The following ANKS1B variants were observed in gnomAD, a reference collection of about 807,000 sequenced individuals.
ANKS1B encodes ankyrin repeat and sterile alpha motif domain containing 1B.
A neutral mutation model predicts 148.3 loss-of-function variants in ANKS1B; 36 were observed. The ratio of observed to expected loss-of-function variants is 0.24; its 90% CI spans 0.19 to 0.32. The LOEUF (loss-of-function observed/expected upper bound fraction) is 0.32, where lower values mean the gene tolerates loss of function less well. Among genes scored for constraint, ANKS1B ranks in the 10% least tolerant of loss-of-function variants. The pLI, the probability that ANKS1B is intolerant of heterozygous loss-of-function variation, is 1.00. For missense variants in ANKS1B, 1,157 were observed against 1,542.6 expected, an observed-to-expected ratio of 0.75 and a Z score of 4.19; for synonymous variants, 542 against 560.8, an observed-to-expected ratio of 0.97 and a Z score of 0.47.
At chr12:99,345,593 G>A (rs2090555625) in intron 12 of ANKS1B, among the ~76,000 whole-genome samples, 1 of 151,956 alleles carries the variant, frequency 6.6e-6, no homozygotes. Flanking sequence ...TCATTTTAAA[G>A]AGGAGGAAAC....
intron 16 of ANKS1B, among the ~76,000 whole-genome samples, chr12:99,068,013 G>A (rs2044993540): frequency 6.6e-6 from 1 of 151,862 alleles, no homozygotes; most frequent in African/African-American, 2.4e-5. Flanking sequence ...TCTTACAATA[G>A]TTTTAGTAGT....
rs540257965 is a variant in ANKS1B at position 99,568,133 on chromosome 12, A to G, written c.1273-63492T>C. On this transcript the variant is annotated intron_variant, in intron 9 of 26. Transcript: ENST00000683438. ...TTTTACTATTCTCTAAGTCAGAACT[A>G]TGAAAATCAAGGTGGACTAAAAGTG... Among the ~76,000 whole-genome samples, 3 of 152,342 alleles carry G rather than the reference A, an allele frequency of 2.0e-5. No homozygotes were observed. The South Asian group carries it at 6.2e-4, about 32-fold the overall frequency.
intron 17 of ANKS1B, among the ~76,000 whole-genome samples, chr12:98,963,824 G>C (rs2099875535): frequency 6.6e-6 from 1 of 152,156 alleles, no homozygotes; most frequent in Admixed American, 6.5e-5. Context: ...TCTAGGCCAG[G>C]CGTGGTGGCT....
At chr12:99,701,357 G>A (rs924250219) in intron 8 of ANKS1B, among the ~76,000 whole-genome samples, 4 of 152,048 alleles carry the variant, frequency 2.6e-5, no homozygotes, top group African/African-American at 9.7e-5. Context: ...ACCAACAACA[G>A]ATATGCTGCT....
intron 12 of ANKS1B, among the ~76,000 whole-genome samples, chr12:99,361,666 G>A (rs1312192709): frequency 1.3e-5 from 2 of 151,950 alleles, no homozygotes; most frequent in Non-Finnish European, 2.9e-5. Flanking sequence ...ATGATTCAGT[G>A]AATCTTGTCT....
intron 19 of ANKS1B, among the ~76,000 whole-genome samples, chr12:98,822,637 G>A (rs1481871072): frequency 2.0e-5 from 3 of 151,964 alleles, no homozygotes; most frequent in Non-Finnish European, 4.4e-5. Flanking sequence ...TAAATCCATG[G>A]TCTGGTTTTA....
At chr12:99,665,404 A>G (rs1437310414) in intron 8 of ANKS1B, among the ~76,000 whole-genome samples, 1 of 152,152 alleles carries the variant, frequency 6.6e-6, no homozygotes, top group Non-Finnish European at 1.5e-5. Context: ...CTAATGTGCT[A>G]AATATCTTCT....
intron 8 of ANKS1B, among the ~76,000 whole-genome samples, chr12:99,745,626 G>C (rs961272453): frequency 3.3e-5 from 5 of 152,096 alleles, no homozygotes; most frequent in Non-Finnish European, 7.4e-5. Flanking sequence ...AGCACAAATT[G>C]TAAGCATCAG....
chr12:99,248,749 T>G (rs1220443629), intron 12 of ANKS1B, among the ~76,000 whole-genome samples: 1 of 152,172 alleles, frequency 6.6e-6, no homozygotes, highest in African/African-American at 2.4e-5. Context: ...AGTAAGCAAT[T>G]AAGCTGAGAT....
At chr12:99,432,120 G>A (rs924485161) in intron 11 of ANKS1B, among the ~76,000 whole-genome samples, 1 of 152,142 alleles carries the variant, frequency 6.6e-6, no homozygotes, top group Non-Finnish European at 1.5e-5. Flanking sequence ...ATGTTGTGAT[G>A]TATCACCAGC....
chr12:99,961,089 C>T (rs556653929), intron 1 of ANKS1B, among the ~76,000 whole-genome samples: 4 of 152,108 alleles, frequency 2.6e-5, no homozygotes, highest in South Asian at 2.1e-4. Context: ...ATTAGCCAGG[C>T]GTGGTGACAG....
At chr12:99,584,811 C>T (rs186969237) in intron 9 of ANKS1B, among the ~76,000 whole-genome samples, 15 of 152,124 alleles carry the variant, frequency 9.9e-5, no homozygotes, top group East Asian at 3.9e-4. Flanking sequence ...CAACAGATCG[C>T]GTGAGACTTA....
chr12:99,520,519 G>C (rs1000430702), intron 9 of ANKS1B, among the ~76,000 whole-genome samples: 1 of 151,894 alleles, frequency 6.6e-6, no homozygotes, highest in African/African-American at 2.4e-5. Flanking sequence ...CTTGACCTTT[G>C]GGACTTTGAT....
At chr12:98,950,568 T>C (rs1342332681) in intron 17 of ANKS1B, among the ~76,000 whole-genome samples, 2 of 152,162 alleles carry the variant, frequency 1.3e-5, no homozygotes, top group South Asian at 2.1e-4. Flanking sequence ...AACTGATTAA[T>C]GGCTTCAAAA....
At chr12:98,849,371 A>T (rs542953766) in intron 17 of ANKS1B, among the ~76,000 whole-genome samples, 1 of 152,172 alleles carries the variant, frequency 6.6e-6, no homozygotes, top group Admixed American at 6.5e-5. Flanking sequence ...TCCTTGCAGC[A>T]TTCTTAGCTC....
intron 17 of ANKS1B, among the ~76,000 whole-genome samples, chr12:98,957,325 ATTTATTTATTTATTTATT>A (rs2099864075): frequency 4.1e-5 from 2 of 48,702 alleles, no homozygotes; most frequent in Non-Finnish European, 8.4e-5. Context: ...TTATTTATTT[ATTTATTTATTTATTTATT>A]TATTTATTTA....
At chr12:98,894,071 G>C (rs966214997) in intron 17 of ANKS1B, among the ~76,000 whole-genome samples, 1 of 152,120 alleles carries the variant, frequency 6.6e-6, no homozygotes, top group Non-Finnish European at 1.5e-5. Context: ...TGCTCTCCAA[G>C]GCTTAACATT....
At chr12:99,920,123 TAAC>T (rs2094306902) in intron 1 of ANKS1B, among the ~76,000 whole-genome samples, 1 of 152,142 alleles carries the variant, frequency 6.6e-6, no homozygotes, top group African/African-American at 2.4e-5. Context: ...AGCACTACAG[TAAC>T]AACAATTTTC....
At chr12:99,574,596 G>A (rs1238569226) in intron 9 of ANKS1B, among the ~76,000 whole-genome samples, 5 of 151,900 alleles carry the variant, frequency 3.3e-5, no homozygotes, top group Non-Finnish European at 7.4e-5. Flanking sequence ...GACCAAGTGA[G>A]GTTTATCCCT....
Sources: allele counts gnomAD v4.1 joint callset (sites outside exome capture counted in the v4.1 genomes callset), GRCh38; gene constraint gnomAD v4.1.1; transcripts MANE v1.5; gene names NCBI Gene and HGNC (gene_info 2026-07-23, HGNC 2026-07-21).